TBC1D2B: variants seen among roughly 807,000 people sequenced by gnomAD.
TBC1D2B encodes the protein TBC1 domain family, member 2B.
A neutral mutation model predicts 100.8 loss-of-function variants in TBC1D2B; 64 were observed. That is an observed-to-expected ratio of 0.64 (90% CI 0.52 to 0.78). TBC1D2B has a LOEUF of 0.78. Ranked by LOEUF, TBC1D2B falls within the 30% of genes least tolerant of loss-of-function variation. TBC1D2B has a pLI of 0.00. For missense variants in TBC1D2B, 1,052 were observed against 1,218.4 expected (o/e 0.86, Z 2.03); for synonymous variants, 480 against 479.7 (o/e 1.00, Z -0.01).
Position 78,024,444 on chromosome 15 carries a change from C to A in TBC1D2B, c.1182G>T (p.Thr394=), listed in dbSNP as rs551759490. 11 of 1,613,888 alleles carry A rather than the reference C, an allele frequency of 6.8e-6. No individual in the cohort carries two copies. Among genetic ancestry groups the A allele is most frequent in the African/African-American group, 2.7e-5 (2 of 74,918 alleles). ...SRLCEGVPKD[T]LELLHQKDDQ... Reference sequence around the variant, plus strand: ...CATCCTTTTGGTGCAGAAGCTCGAGCGTGTCCTTTGGGACCCCCTCACAGA... The same window carrying A: ...CATCCTTTTGGTGCAGAAGCTCGAGAGTGTCCTTTGGGACCCCCTCACAGA... The change falls in exon 6 of 13, where the codon ACG becomes ACT. Residue 394 remains threonine, a synonymous_variant. Coordinates refer to ENST00000300584, the MANE Select transcript of TBC1D2B (RefSeq NM_144572.2).
intron 1 of TBC1D2B, 96 bp from the exon 2 acceptor site, chr15:78,054,283 T>C (rs1051283631): frequency 3.2e-6 from 4 of 1,267,210 alleles, no homozygotes; most frequent in South Asian, 3.5e-5. Context: ...CAGCTTGCCA[T>C]GTGAGAGTTA....
chr15:78,023,637 G>A (rs988546472), intron 6 of TBC1D2B, among the ~76,000 whole-genome samples: 2 of 152,202 alleles, frequency 1.3e-5, no homozygotes, highest in African/African-American at 4.8e-5. Context: ...TGAGTGTCAG[G>A]ACCCTCCCAT....
In TBC1D2B at chr15:77,998,314, G is replaced by A. The variant is rs1293591523; in HGVS notation, c.2738C>T (p.Pro913Leu). 1.2e-6 allele frequency: 2 copies of A among 1,601,198 alleles called. No homozygotes were observed. Among genetic ancestry groups the A allele is most frequent in the African/African-American group, 1.3e-5 (1 of 74,804 alleles). The change falls in exon 13 of 13, where the codon CCC becomes CTC. Residue 913 changes from proline (P) to leucine (L), a missense_variant. Physicochemically the swap from Pro to Leu is moderately conservative, Grantham distance 98. Transcript: ENST00000300584. ...SISFGDLNPFPLRQIRNRRAY... is the reference protein window; with the variant it reads ...SISFGDLNPFLLRQIRNRRAY... ...GCGTCGGTTCCGGATCTGGCGTAGG[G>A]GGAAAGGGTTCAGGTCCCCAAAGGA...
At chr15:78,069,487 C>T (rs977851857) in intron 1 of TBC1D2B, among the ~76,000 whole-genome samples, 2 of 152,180 alleles carry the variant, frequency 1.3e-5, no homozygotes, top group African/African-American at 2.4e-5. Flanking sequence ...GTACCCAACA[C>T]GATAATCCTC....
intron 6 of TBC1D2B, among the ~76,000 whole-genome samples, chr15:78,022,310 G>C (rs912808534): frequency 5.9e-5 from 9 of 152,192 alleles, no homozygotes; most frequent in Non-Finnish European, 1.3e-4. Context: ...AGTGAGCTGA[G>C]ATTGCACTAC....
intron 2 of TBC1D2B, among the ~76,000 whole-genome samples, chr15:78,046,867 G>C (rs766654977): frequency 1.5e-5 from 2 of 136,104 alleles, no homozygotes; most frequent in African/African-American, 2.5e-5. Context: ...AGGAAACAGA[G>C]AGCAGGCATT....
chr15:78,006,427 T>C (rs985439793), intron 10 of TBC1D2B, among the ~76,000 whole-genome samples: 2 of 152,172 alleles, frequency 1.3e-5, no homozygotes, highest in Non-Finnish European at 2.9e-5. Context: ...AGTGAAGCAA[T>C]CACAGGGAGA....
chr15:78,049,291 T>C (rs1281829737), intron 2 of TBC1D2B, among the ~76,000 whole-genome samples: 1 of 152,194 alleles, frequency 6.6e-6, no homozygotes, highest in Non-Finnish European at 1.5e-5. Context: ...TGAACCTCTA[T>C]CTGATTTGCT....
At chr15:78,034,738 T>C in intron 3 of TBC1D2B, 2 of 985,422 alleles carry the variant, frequency 2.0e-6, no homozygotes, top group Non-Finnish European at 2.4e-6. Flanking sequence ...ACTTGTCAAG[T>C]CCTGGATAAG....
chr15:78,030,308 CTT>C (rs899437723), intron 3 of TBC1D2B, 138 bp from the exon 4 acceptor site: 443 of 580,216 alleles, frequency 7.6e-4, no homozygotes, highest in East Asian at 1.3e-3. Flanking sequence ...TGGGGATTCC[CTT>C]TTTTTTTTTG....
chr15:78,019,220 A>G (rs947026767), intron 6 of TBC1D2B, among the ~76,000 whole-genome samples: 15 of 152,166 alleles, frequency 9.9e-5, no homozygotes, highest in African/African-American at 3.6e-4. Flanking sequence ...AATCACTAAC[A>G]TTTACGGAGC....
chr15:78,019,760 C>T (rs560008321), intron 6 of TBC1D2B, among the ~76,000 whole-genome samples: 38 of 151,866 alleles, frequency 2.5e-4, no homozygotes, highest in Non-Finnish European at 4.7e-4. Context: ...GACGTGATAG[C>T]GCACACCTAT....
intron 6 of TBC1D2B, 63 bp downstream of exon 6, chr15:78,024,093 G>A: frequency 6.6e-7 from 1 of 1,522,142 alleles, no homozygotes; most frequent in Non-Finnish European, 8.8e-7. Flanking sequence ...ACGGAGGCCA[G>A]GCCTCTGGGG....
chr15:78,038,199 G>A (rs578031118), intron 3 of TBC1D2B, among the ~76,000 whole-genome samples: 1 of 152,342 alleles, frequency 6.6e-6, no homozygotes, highest in East Asian at 1.9e-4. Context: ...GTGAGGTGCT[G>A]GGGTAAACCA....
At chr15:78,071,568 G>A (rs2073743398) in intron 1 of TBC1D2B, among the ~76,000 whole-genome samples, 1 of 152,172 alleles carries the variant, frequency 6.6e-6, no homozygotes, top group Non-Finnish European at 1.5e-5. Flanking sequence ...TCTCTCCTCT[G>A]GGGAAGGGTG....
chr15:78,016,950 G>A, intron 7 of TBC1D2B: 1 of 496,702 alleles, frequency 2.0e-6, no homozygotes, highest in Non-Finnish European at 3.5e-6. Flanking sequence ...CTTATAGAAG[G>A]AGTGCTGATA....
In TBC1D2B at chr15:78,006,996, G is replaced by A. The variant is rs544031808; in HGVS notation, c.2388+2001C>T. Among the ~76,000 whole-genome samples the A allele has an allele frequency of 2.0e-5, 3 of 152,352 alleles. No homozygotes were observed. In the East Asian group the frequency reaches 5.8e-4, roughly 29 times the overall value. Reference sequence around the variant, plus strand: ...GCCACTGTCCTGGAGGCCTGCACCCGAGCAGCGGGAACAGCAGCAGGGGCC... The same window carrying A: ...GCCACTGTCCTGGAGGCCTGCACCCAAGCAGCGGGAACAGCAGCAGGGGCC... On this transcript the variant is annotated intron_variant, in intron 10 of 12. Transcript: ENST00000300584.
In TBC1D2B at chr15:78,044,849, T is replaced by G. The variant is rs555229761; in HGVS notation, c.683+51A>C. 33 of 1,454,346 alleles carry G rather than the reference T, an allele frequency of 2.3e-5. No homozygotes were observed. The South Asian group carries it at 3.7e-4, about 17-fold the overall frequency. The allele number at this position is 1,454,346 out of a possible 1,614,324, so 90.1% of individuals were successfully genotyped here. ...TCATTTATAAAATTATAACATACAT[T>G]ATCAGAAACAACCCATTTTCAATTT... On this transcript the variant is annotated intron_variant, in intron 3 of 12. Coordinates refer to ENST00000300584, the MANE Select transcript of TBC1D2B (RefSeq NM_144572.2).
intron 3 of TBC1D2B, among the ~76,000 whole-genome samples, chr15:78,040,442 G>C (rs113217583): frequency 1.1e-4 from 17 of 151,934 alleles, no homozygotes; most frequent in African/African-American, 3.4e-4. Flanking sequence ...CCAGCTACTC[G>C]GGGGGCTGAG....
Sources: gnomAD v4.1 joint callset for allele counts (sites outside exome capture counted in the v4.1 genomes callset) on GRCh38, gnomAD v4.1.1 for gene constraint, MANE v1.5 for transcripts, NCBI Gene and HGNC (gene_info 2026-07-23, HGNC 2026-07-21) for gene names.